AIG1: variants seen among roughly 807,000 people sequenced by gnomAD.
The protein encoded by AIG1 is androgen-induced gene 1 protein.
AIG1 carries 23 observed loss-of-function variants against 31.4 expected under a neutral mutation model. The observed-to-expected ratio is 0.73, with a 90% CI of 0.53 to 1.04. The LOEUF is 1.04. Ranked by LOEUF, AIG1 falls within the 50% of genes least tolerant of loss-of-function variation. The pLI, the probability that AIG1 is intolerant of heterozygous loss-of-function variation, is 0.00. For synonymous variants in AIG1, 100 were observed against 110.5 expected, an observed-to-expected ratio of 0.90 and a Z score of 0.60; for missense variants, 274 against 295.0, an observed-to-expected ratio of 0.93 and a Z score of 0.52.
At chr6:143,259,172 T>C (rs1165515622) in intron 3 of AIG1, among the ~76,000 whole-genome samples, 2 of 152,212 alleles carry the variant, frequency 1.3e-5, no homozygotes, top group African/African-American at 4.8e-5. Flanking sequence ...GCTACCCAAT[T>C]TTGGACTTTC....
rs1180056262 is a variant in AIG1, at chr6:143,340,603, A to G, written c.*927A>G. Among the ~76,000 whole-genome samples, 1 of 152,020 alleles carries G rather than the reference A, an allele frequency of 6.6e-6. No homozygotes were observed. The highest frequency in any genetic ancestry group is 2.4e-5 in the African/African-American group (1 of 41,386). On this transcript the variant is annotated 3_prime_UTR_variant, in exon 6 of 6. Transcript: ENST00000357847. ...CTCAGCCTCCCGAGTAGCTGGGACT[A>G]CAGGCGCCTGCCACACGCCCGGCTT...
intron 3 of AIG1, among the ~76,000 whole-genome samples, chr6:143,211,786 G>A (rs899277553): frequency 4.6e-5 from 7 of 151,970 alleles, no homozygotes; most frequent in Non-Finnish European, 7.4e-5. Flanking sequence ...CCAGTTATTC[G>A]GGAGGCTGAG....
intron 3 of AIG1, among the ~76,000 whole-genome samples, chr6:143,197,454 TAAATA>T (rs1388580637): frequency 1.3e-5 from 2 of 152,202 alleles, no homozygotes; most frequent in African/African-American, 4.8e-5. Flanking sequence ...AAGAAGAAGC[TAAATA>T]AAATAGTTCA....
At position 143,252,965 on chromosome 6, in the gene AIG1, C is replaced by T. The variant is rs550096863; in HGVS notation, c.400-31145C>T. On this transcript the variant is annotated intron_variant, in intron 3 of 5. Transcript: ENST00000357847. ...CTAGCTGGCTTTTGGCCAGAGGATG[C>T]CCCTTCAGTTCTTGCTATGTCGGCC... is the stretch of plus-strand genomic sequence containing the variant. Among the ~76,000 whole-genome samples, 39 of 152,252 alleles carry T rather than the reference C, an allele frequency of 2.6e-4. 2 individuals are homozygous for T. Among genetic ancestry groups the T allele is most frequent in the African/African-American group, 8.7e-4 (36 of 41,548 alleles).
intron 4 of AIG1, among the ~76,000 whole-genome samples, chr6:143,316,222 G>C (rs116415619): frequency 1.3e-5 from 2 of 152,008 alleles, no homozygotes; most frequent in South Asian, 4.1e-4. Context: ...TCTGAGAAAA[G>C]CTGCATTTAA....
chr6:143,334,412 A>G lies in AIG1; in HGVS notation c.679+967A>G, dbSNP rs1169348071. Reference sequence around the variant, plus strand: ...CACAGTGAGTGCATGGTTACTGTGCATGGTTACTGAATCAGACTTTTGTGT... The same window carrying G: ...CACAGTGAGTGCATGGTTACTGTGCGTGGTTACTGAATCAGACTTTTGTGT... On this transcript the variant is annotated intron_variant, in intron 5 of 5. Coordinates refer to ENST00000357847, the MANE Select transcript of AIG1 (RefSeq NM_016108.4). This position sits in a 1 kb window ranked among gnomAD's most constrained non-coding sequence, Gnocchi z 5.1. 1.3e-5 allele frequency among the ~76,000 whole-genome samples: 2 copies of G among 152,232 alleles called. No individual in the cohort carries two copies. The highest frequency in any genetic ancestry group is 4.8e-5 in the African/African-American group (2 of 41,474).
chr6:143,061,144 G>GGA, intron 1 of AIG1, 78 bp downstream of exon 1: 2 of 1,535,446 alleles, frequency 1.3e-6, no homozygotes, highest in Non-Finnish European at 1.8e-6. Context: ...GTGTGTGTGT[G>GGA]TGTGGATGCG....
intron 3 of AIG1, among the ~76,000 whole-genome samples, chr6:143,203,906 G>A (rs1005523494): frequency 6.6e-6 from 1 of 152,160 alleles, no homozygotes; most frequent in African/African-American, 2.4e-5. Flanking sequence ...ATTGCCTTGT[G>A]TTTGCAGAGT....
intron 2 of AIG1, among the ~76,000 whole-genome samples, chr6:143,143,124 AG>A (rs1348812621): frequency 5.3e-5 from 8 of 152,140 alleles, no homozygotes; most frequent in African/African-American, 1.7e-4. Flanking sequence ...TAACACATAA[AG>A]GAAGAGAATT....
intron 4 of AIG1, among the ~76,000 whole-genome samples, chr6:143,310,185 A>G (rs1325429131): frequency 6.6e-6 from 1 of 151,926 alleles, no homozygotes; most frequent in Non-Finnish European, 1.5e-5. Flanking sequence ...TCAAAAGCAG[A>G]CTACACATTC....
At chr6:143,188,573 G>C in intron 3 of AIG1, 1 of 985,366 alleles carries the variant, frequency 1.0e-6, no homozygotes, top group East Asian at 1.1e-4. Flanking sequence ...GACAGCAGAA[G>C]ATTTCAGGGT....
chr6:143,188,852 T>C, intron 3 of AIG1: 1 of 985,258 alleles, frequency 1.0e-6, no homozygotes, highest in South Asian at 4.7e-5. Context: ...CTGCCTGGGA[T>C]TTTTCAATAA....
chr6:143,231,062 G>A (rs1045782413), intron 3 of AIG1, among the ~76,000 whole-genome samples: 13 of 152,120 alleles, frequency 8.5e-5, no homozygotes, highest in Admixed American at 3.3e-4. Flanking sequence ...TAAATGAACC[G>A]CCACCCAGCA....
chr6:143,328,962 A>G lies in AIG1; in HGVS notation c.516-4320A>G, dbSNP rs2128721057. On this transcript the variant is annotated intron_variant, in intron 4 of 5. Coordinates refer to ENST00000357847, the MANE Select transcript of AIG1 (RefSeq NM_016108.4). The surrounding 1 kb of genome is among the most constrained non-coding windows in gnomAD (Gnocchi z 4.0). ...GGAGAGAAATTAAAAGTCAGCCAAGAACTAAGCACTCTCCAGATAGATGGG... is the reference window on the plus strand; with the variant it reads ...GGAGAGAAATTAAAAGTCAGCCAAGGACTAAGCACTCTCCAGATAGATGGG... Among the ~76,000 whole-genome samples, 1 of 152,344 alleles carries G rather than the reference A, an allele frequency of 6.6e-6. No homozygotes were observed. The highest frequency in any genetic ancestry group is 1.9e-4 in the East Asian group (1 of 5,188).
At chr6:143,157,956 A>T (rs1232230788) in intron 2 of AIG1, among the ~76,000 whole-genome samples, 1 of 152,204 alleles carries the variant, frequency 6.6e-6, no homozygotes, top group African/African-American at 2.4e-5. Context: ...GTTCTTACCA[A>T]GCCAGCTATT....
chr6:143,148,589 G>C (rs549642734), intron 2 of AIG1, among the ~76,000 whole-genome samples: 1 of 152,174 alleles, frequency 6.6e-6, no homozygotes, highest in East Asian at 1.9e-4. Flanking sequence ...GCTTTGGGAG[G>C]CTGAGATGGG....
rs888029455 is a variant in AIG1, at chr6:143,261,436, G to A, written c.400-22674G>A. ...TGTGAGCCAATGCGCCTGGCCACTG[G>A]TAGCTGTTAGGTGTTGGCATTTTCC... On this transcript the variant is annotated intron_variant, in intron 3 of 5. Transcript: ENST00000357847. Among the ~76,000 whole-genome samples, 7 of 152,266 alleles carry A rather than the reference G, an allele frequency of 4.6e-5. No homozygotes were observed. The East Asian group carries it at 7.7e-4, about 17-fold the overall frequency.
chr6:143,313,532 G>A (rs1246325065), intron 4 of AIG1, among the ~76,000 whole-genome samples: 4 of 152,014 alleles, frequency 2.6e-5, no homozygotes, highest in Admixed American at 6.6e-5. Context: ...GATAGGTAGT[G>A]GAAGGATGGT....
chr6:143,071,441 A>G (rs1777248813), intron 1 of AIG1, among the ~76,000 whole-genome samples: 1 of 152,224 alleles, frequency 6.6e-6, no homozygotes, highest in African/African-American at 2.4e-5. Context: ...TTTCTCTGAT[A>G]TAAACATCCA....
Sources: allele counts gnomAD v4.1 joint callset (sites outside exome capture counted in the v4.1 genomes callset), GRCh38; gene constraint gnomAD v4.1.1; non-coding constraint Gnocchi (gnomAD v3.1); transcripts MANE v1.5; gene names NCBI Gene and HGNC (gene_info 2026-07-23, HGNC 2026-07-21).